MDN1: variants seen among roughly 807,000 people sequenced by gnomAD.
MDN1 encodes the protein midasin.
MDN1 carries 266 observed loss-of-function variants against 669.2 expected under a neutral mutation model. The observed-to-expected ratio is 0.40, with a 90% CI of 0.36 to 0.44. The LOEUF (loss-of-function observed/expected upper bound fraction) is 0.44, where lower values mean the gene tolerates loss of function less well. Ranked by LOEUF, MDN1 falls within the 20% of genes least tolerant of loss-of-function variation. MDN1 has a pLI of 1.00. For synonymous variants in MDN1, 2,385 were observed against 2,457.1 expected, an observed-to-expected ratio of 0.97 and a Z score of 0.87; for missense variants, 5,940 against 6,754.0, an observed-to-expected ratio of 0.88 and a Z score of 4.22.
intron 5 of MDN1, among the ~76,000 whole-genome samples, chr6:89,791,738 G>A (rs1819278060): frequency 6.6e-6 from 1 of 152,172 alleles, no homozygotes; most frequent in Non-Finnish European, 1.5e-5. Flanking sequence ...TTGGGAGGCT[G>A]AGGAGGGAGG....
intron 68 of MDN1, 109 bp from the exon 69 acceptor site, chr6:89,687,132 G>A: frequency 6.7e-7 from 1 of 1,489,744 alleles, no homozygotes; most frequent in Non-Finnish European, 9.1e-7. Flanking sequence ...AAATGGAGAT[G>A]GAGGAGCCAC....
intron 50 of MDN1, 31 bp from the exon 51 acceptor site, chr6:89,708,659 A>C: frequency 6.2e-7 from 1 of 1,603,144 alleles, no homozygotes; most frequent in South Asian, 1.1e-5. Flanking sequence ...AACAAAAATC[A>C]GAAATATTGG....
intron 38 of MDN1, 80 bp from the exon 39 acceptor site, chr6:89,723,699 T>C (rs1814997391): frequency 1.4e-6 from 1 of 722,174 alleles, no homozygotes; most frequent in Non-Finnish European, 2.2e-6. Context: ...TGTCTTATTA[T>C]GCAAAATCTT....
intron 15 of MDN1, among the ~76,000 whole-genome samples, chr6:89,770,215 C>A (rs989324759): frequency 6.6e-6 from 1 of 152,056 alleles, no homozygotes; most frequent in African/African-American, 2.4e-5. Context: ...ACCATCCTGG[C>A]AAACATGGTA....
At position 89,794,797 on chromosome 6, in the gene MDN1, C is replaced by T; in HGVS notation, c.334G>A (p.Ala112Thr). ...IGNHPDVLPF[A>T]LRYFKDTSPV... The stretch of plus-strand genomic sequence containing the variant: ...GATGTGTCCTTGAAATATCTCAGGG[C>T]AAACCTTCAAACACAAAGAATACAG... The change falls in exon 3 of 102, where the codon GCC becomes ACC. Residue 112 changes from alanine to threonine, a missense_variant. By Grantham distance (58) the Ala-to-Thr change is moderately conservative. Coordinates refer to ENST00000369393, the MANE Select transcript of MDN1 (RefSeq NM_014611.3). 1 of 1,612,996 alleles carries T rather than the reference C, an allele frequency of 6.2e-7. No individual in the cohort carries two copies. Among genetic ancestry groups the T allele is most frequent in the South Asian group, 1.1e-5 (1 of 91,036 alleles).
rs573284544 is a variant in MDN1 at position 89,688,148 on chromosome 6, C to T, written c.11285G>A (p.Arg3762His). 7.4e-6 allele frequency: 12 copies of T among 1,614,028 alleles called. No individual in the cohort carries two copies. Among genetic ancestry groups the T allele is most frequent in the African/African-American group, 4.0e-5 (3 of 75,018 alleles). ...EQLLVVMDRI[R>H]SFPLSSPISK... ...GATGGGACTGGAAAGTGGGAAACTACGAATTCTGTCCATTACAACCAGGAG... is the reference window on the plus strand; with the variant it reads ...GATGGGACTGGAAAGTGGGAAACTATGAATTCTGTCCATTACAACCAGGAG... Residue 3762 changes from arginine (R) to histidine (H), a missense_variant, in exon 67 of 102, where the codon CGT becomes CAT. Coordinates refer to ENST00000369393, the MANE Select transcript of MDN1 (RefSeq NM_014611.3).
At chr6:89,792,336 G>A (rs1819313830) in intron 5 of MDN1, among the ~76,000 whole-genome samples, 1 of 152,130 alleles carries the variant, frequency 6.6e-6, no homozygotes, top group Non-Finnish European at 1.5e-5. Context: ...CCTCAGGGTT[G>A]TCCTCTCATA....
chr6:89,652,391 C>T (rs1287570448), intron 94 of MDN1, 110 bp from the exon 95 acceptor site: 1 of 776,668 alleles, frequency 1.3e-6, no homozygotes, highest in Middle Eastern at 2.6e-4. Flanking sequence ...TAGTCAAATG[C>T]TCCTGAGATT....
rs777254741 is a variant in MDN1, at chr6:89,694,152, C to T, written c.9803G>A (p.Arg3268Gln). The change falls in exon 62 of 102, where the codon CGG (arginine) becomes CAG (glutamine). Residue 3268 changes from arginine to glutamine, a missense_variant. Transcript: ENST00000369393. ...AGTCTGCAGCTGGGATGACAGGTTC[C>T]GGGTCTTCCATTCACACTGCAGTTG... ...LHQLQCEWKT[R>Q]NLSSQLQTGR... 6.8e-6 allele frequency: 11 copies of T among 1,614,104 alleles called. No homozygotes were observed. The highest frequency in any genetic ancestry group is 3.3e-5 in the South Asian group (3 of 91,076).
chr6:89,658,444 C>G, intron 89 of MDN1, 74 bp from the exon 90 acceptor site: 1 of 1,585,716 alleles, frequency 6.3e-7, no homozygotes. Flanking sequence ...TTGCAACAAG[C>G]AGGCTTCCCC....
Position 89,758,831 on chromosome 6 carries a change from C to A in MDN1, c.2590G>T (p.Asp864Tyr). Residue 864 changes from aspartate (D) to tyrosine (Y), a missense_variant, in exon 18 of 102, where the codon GAT becomes TAT. By Grantham distance (160) the Asp-to-Tyr change is radical. Transcript: ENST00000369393. ...CAAGTGCTACCTGTGTCTCCTCGAT[C>A]CAGCAACACCAGGGATCCAGAAGAT... ...EGSSGSLVLL[D>Y]RGDTEPLVRH... The A allele has an allele frequency of 6.2e-7, 1 of 1,614,132 alleles. No homozygotes were observed. The highest frequency in any genetic ancestry group is 8.5e-7 in the Non-Finnish European group (1 of 1,180,020).
chr6:89,772,100 C>T, intron 14 of MDN1, among the ~76,000 whole-genome samples: 1 of 152,028 alleles, frequency 6.6e-6, no homozygotes, highest in Non-Finnish European at 1.5e-5. Context: ...CTCGTCTTTA[C>T]AAAAAACTTT....
chr6:89,815,238 A>C (rs907038664), intron 1 of MDN1: 1 of 415,530 alleles, frequency 2.4e-6, no homozygotes, highest in African/African-American at 2.1e-5. Context: ...CTACTCCTTG[A>C]CAGAGCTCCT....
At chr6:89,757,004 T>A (rs1817289214) in intron 19 of MDN1, among the ~76,000 whole-genome samples, 1 of 151,438 alleles carries the variant, frequency 6.6e-6, no homozygotes. Flanking sequence ...TTTAAAAAAA[T>A]AAGTGCAATA....
intron 34 of MDN1, among the ~76,000 whole-genome samples, chr6:89,731,474 C>T (rs1815588560): frequency 6.6e-6 from 1 of 152,112 alleles, no homozygotes; most frequent in African/African-American, 2.4e-5. Context: ...ATGGATGAGG[C>T]TGGAAACCAT....
chr6:89,803,287 T>A lies in MDN1; in HGVS notation c.329+41A>T, dbSNP rs201613086. On this transcript the variant is annotated intron_variant, in intron 2 of 101. Transcript: ENST00000369393. ...ACATCCCAGGAGACAGCAGGTTCTATCACCTCAAGGAGAAATGCGAATAAT... is the reference window on the plus strand; with the variant it reads ...ACATCCCAGGAGACAGCAGGTTCTAACACCTCAAGGAGAAATGCGAATAAT... The A allele has an allele frequency of 1.5e-4, 236 of 1,559,532 alleles. 1 individual carries two copies. The South Asian group carries it at 2.2e-3, about 15-fold the overall frequency.
intron 39 of MDN1, 78 bp downstream of exon 39, chr6:89,723,434 G>T: frequency 3.4e-6 from 3 of 894,138 alleles, no homozygotes; most frequent in Non-Finnish European, 5.0e-6. Context: ...CTGATAATTT[G>T]GTAGAACTCT....
chr6:89,792,368 C>T (rs751464310), intron 5 of MDN1, among the ~76,000 whole-genome samples: 7 of 152,038 alleles, frequency 4.6e-5, no homozygotes, highest in Non-Finnish European at 1.0e-4. Context: ...CAGGCTGCAC[C>T]GCAACTCTAC....
At chr6:89,726,908 C>T (rs1380371215) in intron 37 of MDN1, among the ~76,000 whole-genome samples, 1 of 152,212 alleles carries the variant, frequency 6.6e-6, no homozygotes, top group Non-Finnish European at 1.5e-5. Flanking sequence ...TATTCCCAAA[C>T]AGAAGGCCGC....
Sources: gnomAD v4.1 joint callset for allele counts (sites outside exome capture counted in the v4.1 genomes callset) on GRCh38, gnomAD v4.1.1 for gene constraint, MANE v1.5 for transcripts, NCBI Gene and HGNC (gene_info 2026-07-23, HGNC 2026-07-21) for gene names.